PTPRC: variants seen among roughly 807,000 people sequenced by gnomAD.
The protein encoded by PTPRC is receptor-type tyrosine-protein phosphatase C.
A neutral mutation model predicts 155.9 loss-of-function variants in PTPRC; 44 were observed. The observed-to-expected ratio is 0.28, with a 90% CI of 0.22 to 0.36. The LOEUF is 0.36. PTPRC is among the 10% of genes least tolerant of loss of function. The pLI is 1.00. For missense variants in PTPRC, 1,401 were observed against 1,564.6 expected (o/e 0.90, Z 1.76); for synonymous variants, 525 against 533.1 (o/e 0.98, Z 0.21).
chr1:198,744,282 C>T (rs999808288), intron 26 of PTPRC, 79 bp downstream of exon 26: 1 of 1,373,212 alleles, frequency 7.3e-7, no homozygotes. Context: ...GTTTGCTATG[C>T]ACTTGACATA....
At chr1:198,752,534 C>G in intron 30 of PTPRC, 60 bp from the exon 31 acceptor site, 1 of 1,560,122 alleles carries the variant, frequency 6.4e-7, no homozygotes, top group South Asian at 1.1e-5. Flanking sequence ...ATATGACTAT[C>G]AAATTAGAAA....
intron 4 of PTPRC, among the ~76,000 whole-genome samples, chr1:198,697,430 C>T (rs940211318): frequency 1.3e-5 from 2 of 152,164 alleles, no homozygotes; most frequent in Non-Finnish European, 2.9e-5. Context: ...AGAGCATTTG[C>T]ATCATTGAAA....
chr1:198,689,738 C>A (rs540128482), intron 2 of PTPRC, among the ~76,000 whole-genome samples: 58 of 152,178 alleles, frequency 3.8e-4, no homozygotes, highest in African/African-American at 1.4e-3. Context: ...TTATCAATCA[C>A]TTCTTATACA....
At chr1:198,645,479 A>G (rs116036059) in intron 2 of PTPRC, among the ~76,000 whole-genome samples, 2 of 151,926 alleles carry the variant, frequency 1.3e-5, no homozygotes, top group Non-Finnish European at 2.9e-5. Flanking sequence ...ATCTAACTCT[A>G]TGAATCTTGT....
intron 2 of PTPRC, among the ~76,000 whole-genome samples, chr1:198,687,928 A>T (rs766167056): frequency 5.9e-5 from 9 of 152,180 alleles, no homozygotes; most frequent in East Asian, 1.9e-4. Context: ...TATGTCATTT[A>T]TCATGTTGAC....
At chr1:198,717,110 T>A (rs991894126) in intron 13 of PTPRC, among the ~76,000 whole-genome samples, 2 of 152,240 alleles carry the variant, frequency 1.3e-5, no homozygotes, top group African/African-American at 4.8e-5. Context: ...TGCAGTTAAG[T>A]ACTTAACCAA....
chr1:198,696,750 A>G lies in PTPRC; in HGVS notation c.139A>G (p.Ser47Gly), dbSNP rs149488488. Residue 47 changes from serine (S) to glycine (G), a missense_variant, in exon 4 of 33, where the codon AGT (serine) becomes GGT (glycine). Ser to Gly is a moderately conservative substitution (Grantham distance 56). Coordinates refer to ENST00000442510, the MANE Select transcript of PTPRC (RefSeq NM_002838.5). ...TAKMPSVPLS[S>G]DPLPTHTTAF... ...AAAGATGCCCAGTGTTCCACTTTCA[A>G]GTGACCCCTTACCTACTCACACCAC... 90 of 1,614,010 alleles carry G rather than the reference A, an allele frequency of 5.6e-5. No homozygotes were observed. The highest frequency in any genetic ancestry group is 7.3e-5 in the Non-Finnish European group (86 of 1,180,000).
chr1:198,749,672 T>G (rs756611938), intron 28 of PTPRC, 123 bp downstream of exon 28: 8 of 906,754 alleles, frequency 8.8e-6, no homozygotes, highest in African/African-American at 1.7e-5. Context: ...TACATATAGA[T>G]TGACATGAGA....
intron 17 of PTPRC, 148 bp downstream of exon 17, chr1:198,729,319 G>T: frequency 2.0e-6 from 2 of 1,021,110 alleles, no homozygotes; most frequent in Non-Finnish European, 2.6e-6. Context: ...TCTGCTTATT[G>T]CAGCCTCCGC....
chr1:198,691,401 A>C (rs557233578), intron 2 of PTPRC, among the ~76,000 whole-genome samples: 1 of 152,040 alleles, frequency 6.6e-6, no homozygotes, highest in East Asian at 1.9e-4. Context: ...TTTCTCCTTT[A>C]TTCTCACTTG....
chr1:198,673,345 T>C (rs753162823), intron 2 of PTPRC, among the ~76,000 whole-genome samples: 17 of 152,214 alleles, frequency 1.1e-4, no homozygotes, highest in Non-Finnish European at 2.2e-4. Context: ...ACTCACAAGC[T>C]GAATGATCTC....
At chr1:198,653,678 A>G (rs1663382873) in intron 2 of PTPRC, among the ~76,000 whole-genome samples, 1 of 151,880 alleles carries the variant, frequency 6.6e-6, no homozygotes, top group Admixed American at 6.6e-5. Context: ...TGTCTGGAAG[A>G]AAATACTTCC....
intron 23 of PTPRC, among the ~76,000 whole-genome samples, chr1:198,738,529 G>T (rs1654754488): frequency 6.6e-6 from 1 of 151,808 alleles, no homozygotes. Flanking sequence ...TCTTTTTAAA[G>T]TGTTGTTGAA....
intron 10 of PTPRC, among the ~76,000 whole-genome samples, chr1:198,709,095 G>A (rs1653151255): frequency 6.6e-6 from 1 of 152,212 alleles, no homozygotes; most frequent in Non-Finnish European, 1.5e-5. Context: ...ATTAGATGAA[G>A]ACTAGGTGAG....
intron 2 of PTPRC, chr1:198,679,940 C>T: frequency 1.6e-6 from 1 of 614,668 alleles, no homozygotes; most frequent in Non-Finnish European, 2.9e-6. Flanking sequence ...CCCAGCTCGT[C>T]CACCGTCGCC....
At chr1:198,647,641 T>A (rs1228193307) in intron 2 of PTPRC, among the ~76,000 whole-genome samples, 1 of 151,916 alleles carries the variant, frequency 6.6e-6, no homozygotes, top group Non-Finnish European at 1.5e-5. Context: ...TAAACCTTGA[T>A]TATTCTAGAC....
chr1:198,690,761 T>A (rs1385953345), intron 2 of PTPRC, among the ~76,000 whole-genome samples: 2 of 152,214 alleles, frequency 1.3e-5, no homozygotes, highest in African/African-American at 4.8e-5. Context: ...GATCTCTGAT[T>A]CTCTTTAACA....
chr1:198,748,881 T>C (rs1410732771), intron 27 of PTPRC, among the ~76,000 whole-genome samples: 1 of 151,772 alleles, frequency 6.6e-6, no homozygotes, highest in Non-Finnish European at 1.5e-5. Flanking sequence ...GAATGTAGTT[T>C]AAAATATGGA....
At chr1:198,652,797 G>A (rs1484062730) in intron 2 of PTPRC, among the ~76,000 whole-genome samples, 1 of 151,688 alleles carries the variant, frequency 6.6e-6, no homozygotes, top group African/African-American at 2.4e-5. Context: ...ACCCATGAGG[G>A]AAAATCACCA....
Sources: gnomAD v4.1 joint callset for allele counts (sites outside exome capture counted in the v4.1 genomes callset) on GRCh38, gnomAD v4.1.1 for gene constraint, MANE v1.5 for transcripts, NCBI Gene and HGNC (gene_info 2026-07-23, HGNC 2026-07-21) for gene names.